CNTNAP3B: variants seen among roughly 807,000 people sequenced by gnomAD.
CNTNAP3B encodes contactin-associated protein-like 3B.
CNTNAP3B carries 25 observed loss-of-function variants against 108.9 expected under a neutral mutation model. The observed-to-expected ratio is 0.23, with a 90% CI of 0.17 to 0.32. The LOEUF (loss-of-function observed/expected upper bound fraction) is 0.32, where lower values mean the gene tolerates loss of function less well. Ranked by LOEUF, CNTNAP3B falls within the 10% of genes least tolerant of loss-of-function variation. The pLI is 1.00. For missense variants in CNTNAP3B, 252 were observed against 1,210.4 expected (o/e 0.21, Z 11.75); for synonymous variants, 103 against 473.4 (o/e 0.22, Z 10.16).
chr9:41,999,533 A>G (rs1210759444), intron 4 of CNTNAP3B, among the ~76,000 whole-genome samples: 1 of 118,284 alleles, frequency 8.5e-6, no homozygotes, highest in Non-Finnish European at 1.7e-5. Context: ...CTCTCTCTCT[A>G]CACACACACA....
intron 9 of CNTNAP3B, among the ~76,000 whole-genome samples, chr9:41,972,571 C>G (rs1825440327): frequency 7.2e-6 from 1 of 138,562 alleles, no homozygotes; most frequent in Non-Finnish European, 1.5e-5. Flanking sequence ...AAAGTAAAAG[C>G]CTCCCTCATA....
At chr9:41,916,740 T>G (rs1823527671) in intron 18 of CNTNAP3B, among the ~76,000 whole-genome samples, 1 of 145,088 alleles carries the variant, frequency 6.9e-6, no homozygotes, top group South Asian at 2.2e-4. Context: ...ACTCTTCTAG[T>G]TATTTTGAAA....
intron 14 of CNTNAP3B, among the ~76,000 whole-genome samples, chr9:41,937,371 C>T (rs1188387163): frequency 6.6e-6 from 1 of 151,814 alleles, no homozygotes; most frequent in Non-Finnish European, 1.5e-5. Context: ...AGGTGATCCA[C>T]CTGCCTTGGC....
At chr9:41,955,639 G>A (rs1464259535) in intron 12 of CNTNAP3B, among the ~76,000 whole-genome samples, 1 of 152,282 alleles carries the variant, frequency 6.6e-6, no homozygotes, top group African/African-American at 2.4e-5. Flanking sequence ...CAAGTGAATT[G>A]GACCTGAGTA....
At chr9:42,121,060 G>A (rs1458632331) in intron 1 of CNTNAP3B, among the ~76,000 whole-genome samples, 4 of 138,626 alleles carry the variant, frequency 2.9e-5, no homozygotes, top group South Asian at 4.6e-4. Context: ...AAACCCAGTC[G>A]CAACCCATTC....
chr9:42,108,422 T>G (rs1828124743), intron 1 of CNTNAP3B, among the ~76,000 whole-genome samples: 1 of 138,264 alleles, frequency 7.2e-6, no homozygotes, highest in Admixed American at 7.2e-5. Flanking sequence ...TGTTCAAAAA[T>G]GGTGGACTTC....
intron 13 of CNTNAP3B, among the ~76,000 whole-genome samples, chr9:41,945,285 T>A (rs1824494473): frequency 6.6e-6 from 1 of 152,300 alleles, no homozygotes; most frequent in African/African-American, 2.4e-5. Context: ...CAAAGGATTA[T>A]AAATCATGCT....
intron 12 of CNTNAP3B, among the ~76,000 whole-genome samples, chr9:41,954,937 T>C (rs1480502539): frequency 3.3e-5 from 5 of 151,994 alleles, no homozygotes; most frequent in African/African-American, 1.2e-4. Flanking sequence ...CCACCCGCCT[T>C]GGCCTCCCAA....
intron 3 of CNTNAP3B, among the ~76,000 whole-genome samples, chr9:42,055,113 T>G (rs1374502177): frequency 2.2e-5 from 3 of 139,100 alleles, no homozygotes; most frequent in Non-Finnish European, 4.6e-5. Context: ...AAATCACTAC[T>G]TATTATTATT....
At chr9:42,114,721 A>T (rs1389900140) in intron 1 of CNTNAP3B, among the ~76,000 whole-genome samples, 1 of 125,026 alleles carries the variant, frequency 8.0e-6, no homozygotes, top group Non-Finnish European at 1.6e-5. Context: ...GTGAAAAGCT[A>T]CCCAAATGAA....
chr9:42,032,124 C>CT (rs1826533324), intron 3 of CNTNAP3B, among the ~76,000 whole-genome samples: 1 of 113,712 alleles, frequency 8.8e-6, no homozygotes, highest in South Asian at 3.0e-4. Flanking sequence ...TGCATGACGC[C>CT]TTTTTTTCTG....
chr9:41,954,262 A>G (rs1824789109), intron 12 of CNTNAP3B, among the ~76,000 whole-genome samples: 1 of 152,278 alleles, frequency 6.6e-6, no homozygotes, highest in Admixed American at 6.5e-5. Flanking sequence ...CTACGAAACA[A>G]AACAATGTGA....
chr9:41,939,595 A>T (rs917965598), intron 13 of CNTNAP3B, among the ~76,000 whole-genome samples: 2 of 152,298 alleles, frequency 1.3e-5, no homozygotes, highest in African/African-American at 4.8e-5. Flanking sequence ...GCTTGTCACT[A>T]CAACGTAAAA....
At chr9:41,947,308 A>G (rs1486278755) in intron 13 of CNTNAP3B, among the ~76,000 whole-genome samples, 7 of 152,246 alleles carry the variant, frequency 4.6e-5, no homozygotes, top group African/African-American at 7.2e-5. Context: ...AAAATCACAC[A>G]AAGTATATTC....
chr9:41,932,682 G>A (rs1824016380), intron 14 of CNTNAP3B, among the ~76,000 whole-genome samples: 1 of 152,096 alleles, frequency 6.6e-6, no homozygotes. Flanking sequence ...ACTACGCTCA[G>A]CTAATTTTTG....
intron 3 of CNTNAP3B, among the ~76,000 whole-genome samples, chr9:42,075,816 C>T (rs1827474230): frequency 1.1e-5 from 1 of 93,620 alleles, no homozygotes; most frequent in Non-Finnish European, 2.2e-5. Context: ...AGGTTACTTT[C>T]AAACACTATG....
At chr9:42,051,947 AT>A (rs1308607513) in intron 3 of CNTNAP3B, among the ~76,000 whole-genome samples, 1 of 151,848 alleles carries the variant, frequency 6.6e-6, no homozygotes, top group Non-Finnish European at 1.5e-5. Context: ...CAACTGCGTA[AT>A]TTTTTCTCTC....
chr9:42,044,327 T>C (rs1288915762), intron 3 of CNTNAP3B, among the ~76,000 whole-genome samples: 14 of 151,208 alleles, frequency 9.3e-5, no homozygotes, highest in Non-Finnish European at 1.6e-4. Flanking sequence ...TTGCAGTTTC[T>C]GGCATCCACC....
chr9:41,951,190 G>A (rs1423572344), intron 13 of CNTNAP3B, among the ~76,000 whole-genome samples: 1 of 147,314 alleles, frequency 6.8e-6, no homozygotes, highest in East Asian at 2.0e-4. Flanking sequence ...GGCTATTCGG[G>A]TTCTCTCTGT....
Sources: allele counts gnomAD v4.1 joint callset (sites outside exome capture counted in the v4.1 genomes callset), GRCh38; gene constraint gnomAD v4.1.1; transcripts MANE v1.5; gene names NCBI Gene and HGNC (gene_info 2026-07-23, HGNC 2026-07-21).